Variants in RBFOX1 observed in about 807,000 individuals in gnomAD.
The protein encoded by RBFOX1 is RNA binding fox-1 homolog 1, also known as RNA binding protein fox-1 homolog 1.
A neutral mutation model predicts 57.7 loss-of-function variants in RBFOX1; 8 were observed. That is an observed-to-expected ratio of 0.14 (90% CI 0.08 to 0.25). The LOEUF is 0.25. Among genes scored for constraint, RBFOX1 ranks in the 10% least tolerant of loss-of-function variants. RBFOX1 has a pLI of 1.00. For synonymous variants in RBFOX1, 326 were observed against 222.4 expected (o/e 1.47, Z -4.15); for missense variants, 611 against 548.5 (o/e 1.11, Z -1.14).
At chr16:6,410,787 G>A (rs1020459969) in intron 2 of RBFOX1, among the ~76,000 whole-genome samples, 1 of 152,210 alleles carries the variant, frequency 6.6e-6, no homozygotes, top group Admixed American at 6.5e-5. Context: ...AACATGCTGT[G>A]TAGGCTGTTG....
intron 1 of RBFOX1, among the ~76,000 whole-genome samples, chr16:6,072,617 GT>G (rs542049537): frequency 2.9e-4 from 41 of 143,044 alleles, no homozygotes; most frequent in East Asian, 1.6e-3. Context: ...GCCAACAATT[GT>G]TTTTTTTTTT....
At chr16:7,156,907 G>A (rs183534731) in intron 4 of RBFOX1, among the ~76,000 whole-genome samples, 10 of 152,060 alleles carry the variant, frequency 6.6e-5, no homozygotes, top group East Asian at 3.9e-4. Context: ...AGTTTTATCC[G>A]TTTACATTCC....
At chr16:6,652,294 C>A (rs2098602748) in intron 2 of RBFOX1, among the ~76,000 whole-genome samples, 1 of 152,024 alleles carries the variant, frequency 6.6e-6, no homozygotes, top group Non-Finnish European at 1.5e-5. Context: ...ACTAAAAATA[C>A]AAAATTAGTT....
At chr16:5,243,111 G>A (rs548397117) in intron 1 of RBFOX1, among the ~76,000 whole-genome samples, 113 of 152,226 alleles carry the variant, frequency 7.4e-4, no homozygotes, top group Non-Finnish European at 1.3e-3. Flanking sequence ...CCCTCCCCAA[G>A]CCTTTATTGA....
At chr16:6,971,058 AATG>A (rs2085422492) in intron 3 of RBFOX1, among the ~76,000 whole-genome samples, 1 of 152,200 alleles carries the variant, frequency 6.6e-6, no homozygotes, top group African/African-American at 2.4e-5. Flanking sequence ...TCCAAGACAT[AATG>A]ATGAAAAGGA....
At chr16:7,703,950 G>C (rs996180462) in intron 14 of RBFOX1, among the ~76,000 whole-genome samples, 22 of 152,204 alleles carry the variant, frequency 1.4e-4, no homozygotes, top group African/African-American at 5.3e-4. Flanking sequence ...GGAGAGATTG[G>C]TTTGTGAAAT....
chr16:5,575,454 A>G (rs1179010190), intron 2 of RBFOX1, among the ~76,000 whole-genome samples: 4 of 152,140 alleles, frequency 2.6e-5, no homozygotes, highest in African/African-American at 4.8e-5. Flanking sequence ...CATTTTATGG[A>G]TGATACACCA....
chr16:6,926,351 TAC>T (rs1450574530), intron 3 of RBFOX1, among the ~76,000 whole-genome samples: 1 of 152,060 alleles, frequency 6.6e-6, no homozygotes, highest in African/African-American at 2.4e-5. Flanking sequence ...AGTGACTGGG[TAC>T]ACAGAGTTGT....
At chr16:5,686,790 C>G (rs1317622649) in intron 3 of RBFOX1, among the ~76,000 whole-genome samples, 1 of 152,012 alleles carries the variant, frequency 6.6e-6, no homozygotes, top group African/African-American at 2.4e-5. Flanking sequence ...TTCCATTTGG[C>G]TATCAATTAG....
At chr16:5,957,424 ATGAACCCCTCACCTGGTCT>A (rs1393198348) in intron 4 of RBFOX1, among the ~76,000 whole-genome samples, 1 of 152,126 alleles carries the variant, frequency 6.6e-6, no homozygotes, top group African/African-American at 2.4e-5. Flanking sequence ...CATGTTGGTC[ATGAACCCCTCACCTGGTCT>A]TGAACCCCTC....
chr16:7,287,856 C>T (rs979694691), intron 4 of RBFOX1, among the ~76,000 whole-genome samples: 3 of 152,160 alleles, frequency 2.0e-5, no homozygotes, highest in Non-Finnish European at 4.4e-5. Flanking sequence ...TTACCTTCCC[C>T]CACCCATTTC....
Position 7,439,321 on chromosome 16 carries a change from C to T in RBFOX1, c.28-78826C>T, listed in dbSNP as rs138736353. On this transcript the variant is annotated intron_variant, in intron 4 of 15. Transcript: ENST00000550418. ...CCTTCATGTCCCTCTTTTCATGGAA[C>T]GTCATGAGTCTGTACTGGCTAAAGA... 4.2e-3 allele frequency among the ~76,000 whole-genome samples: 624 copies of T among 150,202 alleles called. 3 individuals are homozygous for T. The highest frequency in any genetic ancestry group is 0.014 in the African/African-American group (576 of 40,656).
At position 7,391,205 on chromosome 16, in the gene RBFOX1, C is replaced by T. The variant is rs370330782; in HGVS notation, c.28-126942C>T. Among the ~76,000 whole-genome samples the T allele has an allele frequency of 3.9e-5, 6 of 152,164 alleles. No homozygotes were observed. The East Asian group carries it at 7.7e-4, about 20-fold the overall frequency. ...CGTGACTGGCCCCACCTCCGTCCCA[C>T]CTTGGTGTTAATCCCATGGGGTGGA... is the stretch of plus-strand genomic sequence containing the variant. On this transcript the variant is annotated intron_variant, in intron 4 of 15. Transcript: ENST00000550418.
At chr16:5,768,504 G>T (rs966840674) in intron 3 of RBFOX1, among the ~76,000 whole-genome samples, 2 of 152,152 alleles carry the variant, frequency 1.3e-5, no homozygotes, top group African/African-American at 2.4e-5. Context: ...AATAGCTACA[G>T]GTGCAAAATG....
chr16:5,511,225 A>G (rs1163666335), intron 2 of RBFOX1, among the ~76,000 whole-genome samples: 1 of 152,204 alleles, frequency 6.6e-6, no homozygotes, highest in Non-Finnish European at 1.5e-5. Flanking sequence ...CAGCATTTTA[A>G]ACAATGGCTT....
chr16:5,578,312 G>A (rs1158462531), intron 2 of RBFOX1, among the ~76,000 whole-genome samples: 2 of 152,084 alleles, frequency 1.3e-5, no homozygotes, highest in Non-Finnish European at 2.9e-5. Context: ...AGGCACCTTG[G>A]CATCTGGTCT....
At chr16:6,752,816 T>C (rs1268841770) in intron 3 of RBFOX1, among the ~76,000 whole-genome samples, 2 of 25,192 alleles carry the variant, frequency 7.9e-5, no homozygotes, top group Admixed American at 1.5e-3. Flanking sequence ...TTCCTACTCC[T>C]ATTTTTTTTT....
intron 3 of RBFOX1, among the ~76,000 whole-genome samples, chr16:5,800,043 T>TTA (rs1396256285): frequency 2.0e-5 from 3 of 151,104 alleles, no homozygotes; most frequent in South Asian, 2.1e-4. Flanking sequence ...TCCCTATTTT[T>TTA]TATATATATA....
chr16:6,957,372 C>T (rs778818164), intron 3 of RBFOX1, among the ~76,000 whole-genome samples: 8 of 152,090 alleles, frequency 5.3e-5, no homozygotes, highest in Non-Finnish European at 1.2e-4. Flanking sequence ...ACTTCGTGAT[C>T]TGCCTCCCAA....
Sources: allele counts gnomAD v4.1 joint callset (sites outside exome capture counted in the v4.1 genomes callset), GRCh38; gene constraint gnomAD v4.1.1; transcripts MANE v1.5; gene names NCBI Gene and HGNC (gene_info 2026-07-23, HGNC 2026-07-21).